The following NPRL3 variants were observed in gnomAD, a reference collection of about 807,000 sequenced individuals.
NPRL3 encodes NPR3 like, GATOR1 complex subunit, also known as GATOR1 complex protein NPRL3.
Under a neutral mutation model 57.2 loss-of-function variants are expected in NPRL3, and 23 were observed. The observed-to-expected ratio is 0.40, with a 90% confidence interval of 0.29 to 0.57. NPRL3 has a LOEUF of 0.57. NPRL3 is among the 20% of genes least tolerant of loss of function. The pLI, the probability that NPRL3 is intolerant of heterozygous loss-of-function variation, is 0.42. For synonymous variants in NPRL3, 333 were observed against 321.1 expected (o/e 1.04, Z -0.39); for missense variants, 691 against 767.1 (o/e 0.90, Z 1.17).
At chr16:128,671 G>C (rs1271535994) in intron 3 of NPRL3, among the ~76,000 whole-genome samples, 1 of 152,222 alleles carries the variant, frequency 6.6e-6, no homozygotes, top group Non-Finnish European at 1.5e-5. Context: ...CGGAGGCTGA[G>C]GCAGGAGAAT....
chr16:85,778 G>C lies in NPRL3; in HGVS notation c.*927C>G. Reference sequence around the variant, plus strand: ...GGCTGAGCAGGACACACAGGCCTGAGCAAAGGGCCTGCCCAGACAAGATTT... The same window carrying C: ...GGCTGAGCAGGACACACAGGCCTGACCAAAGGGCCTGCCCAGACAAGATTT... On this transcript the variant is annotated 3_prime_UTR_variant, in exon 14 of 14. Transcript: ENST00000611875. 1 of 1,491,988 alleles carries C rather than the reference G, an allele frequency of 6.7e-7. No homozygotes were observed. Among genetic ancestry groups the C allele is most frequent in the Non-Finnish European group, 8.9e-7 (1 of 1,119,812 alleles). 92.4% of individuals were successfully genotyped at this position (1,491,988 alleles called of 1,614,324 possible).
At position 119,288 on chromosome 16, in the gene NPRL3, G is replaced by A. The variant is rs757030881; in HGVS notation, c.189-33C>T. ...TTTAAGAGAGGTAGAATAAAAATAA[G>A]TTAACAAAATACCACAGCACCATGC... On this transcript the variant is annotated intron_variant, in intron 3 of 13. Transcript: ENST00000611875. 4.4e-6 allele frequency: 7 copies of A among 1,574,884 alleles called. 1 individual carries two copies. The South Asian group carries it at 4.6e-5, about 10-fold the overall frequency.
rs140513284 is a variant in NPRL3 at position 98,418 on chromosome 16, C to T, written c.768-117G>A. On this transcript the variant is annotated intron_variant, in intron 8 of 13. Transcript: ENST00000611875. ...TGCACCAGGTCCTGCACCAGGTATG[C>T]ACCGGGTATGCACCAGGTATGCACC... is the stretch of plus-strand genomic sequence containing the variant. The T allele has an allele frequency of 1.9e-4, 215 of 1,131,512 alleles. 1 individual carries two copies. The highest frequency in any genetic ancestry group is 8.7e-4 in the Admixed American group (37 of 42,734). The allele number at this position is 1,131,512 out of a possible 1,614,324, so 70.1% of individuals were successfully genotyped here.
In NPRL3 at chr16:85,914, C is replaced by T. The variant is rs955769662; in HGVS notation, c.*791G>A. On this transcript the variant is annotated 3_prime_UTR_variant, in exon 14 of 14. Coordinates refer to ENST00000611875, the MANE Select transcript of NPRL3 (RefSeq NM_001077350.3). ...TGGAGCTAGCTCTTCCTCCAGGACA[C>T]GAGAGCTGGGGGCCTGAGTACGTAG... 42 of 1,060,586 alleles carry T rather than the reference C, an allele frequency of 4.0e-5. 1 individual carries two copies. The highest frequency in any genetic ancestry group is 2.3e-4 in the African/African-American group (14 of 61,334). The allele number at this position is 1,060,586 out of a possible 1,614,324, so 65.7% of individuals were successfully genotyped here.
intron 13 of NPRL3, among the ~76,000 whole-genome samples, chr16:87,667 T>G (rs1019152040): frequency 6.6e-6 from 1 of 151,852 alleles, no homozygotes; most frequent in Non-Finnish European, 1.5e-5. Context: ...CCTCCCGCCT[T>G]CAGGCCATTC....
At chr16:110,415 CAGG>C (rs1263000484) in intron 7 of NPRL3, 107 bp downstream of exon 7, 7 of 794,026 alleles carry the variant, frequency 8.8e-6, no homozygotes, top group Non-Finnish European at 4.2e-6. Flanking sequence ...GCTCACACCC[CAGG>C]AGAACAGTGG....
chr16:120,889 G>A (rs1160786859), intron 3 of NPRL3, among the ~76,000 whole-genome samples: 1 of 152,188 alleles, frequency 6.6e-6, no homozygotes, highest in East Asian at 1.9e-4. Context: ...AGGAGGGTTT[G>A]AGGTATTAAA....
At chr16:88,632 T>TCC (rs1017446679) in intron 13 of NPRL3, 66 bp downstream of exon 13, 10 of 1,404,090 alleles carry the variant, frequency 7.1e-6, no homozygotes, top group Non-Finnish European at 9.8e-6. Flanking sequence ...GTTGCGTACG[T>TCC]CCCTATCCAC....
At chr16:131,597 C>CAAAAAAAAA (rs59373757) in intron 2 of NPRL3, among the ~76,000 whole-genome samples, 3 of 69,706 alleles carry the variant, frequency 4.3e-5, no homozygotes, top group African/African-American at 1.0e-4. Context: ...GACTCAGTCT[C>CAAAAAAAAA]AAAAAAAAAA....
At chr16:93,127 C>A in intron 10 of NPRL3, 92 bp downstream of exon 10, 2 of 861,926 alleles carry the variant, frequency 2.3e-6, no homozygotes, top group East Asian at 5.3e-5. Flanking sequence ...CCTTTGGTGC[C>A]TGGCCAACAC....
intron 3 of NPRL3, chr16:119,469 A>G: frequency 1.7e-6 from 1 of 584,280 alleles, no homozygotes; most frequent in South Asian, 2.1e-5. Context: ...AAAAGGCATG[A>G]GAAGCACAGA....
chr16:117,348 T>A lies in NPRL3; in HGVS notation c.346A>T (p.Arg116Trp). The A allele has an allele frequency of 6.2e-7, 1 of 1,611,210 alleles. No individual in the cohort carries two copies. Among genetic ancestry groups the A allele is most frequent in the South Asian group, 1.1e-5 (1 of 90,750 alleles). The change falls in exon 5 of 14, where the codon AGG (arginine) becomes TGG (tryptophan). Residue 116 changes from arginine (R) to tryptophan (W), a missense_variant. Arg to Trp is a moderately radical substitution (Grantham distance 101). Coordinates refer to ENST00000611875, the MANE Select transcript of NPRL3 (RefSeq NM_001077350.3). Reference protein sequence around the residue: ...QISKTDPSPKREAPTMILFNV... With the variant: ...QISKTDPSPKWEAPTMILFNV... Reference sequence around the variant, plus strand: ...AAAAGAATCATAGTAGGTGCTTCCCTCTTCGGGGAAGGATCTGTTTTGGAG... The same window carrying A: ...AAAAGAATCATAGTAGGTGCTTCCCACTTCGGGGAAGGATCTGTTTTGGAG...
chr16:122,437 C>G (rs193206460), intron 3 of NPRL3, among the ~76,000 whole-genome samples: 1 of 152,296 alleles, frequency 6.6e-6, no homozygotes, highest in Admixed American at 6.5e-5. Flanking sequence ...ATGTAATACA[C>G]ATAAAGACAG....
intron 5 of NPRL3, among the ~76,000 whole-genome samples, chr16:114,181 T>C (rs779197726): frequency 6.6e-6 from 1 of 152,096 alleles, no homozygotes; most frequent in Non-Finnish European, 1.5e-5. Context: ...TGTCCATGAG[T>C]TGGATGTCCA....
At chr16:124,321 G>A (rs2141969779) in intron 3 of NPRL3, among the ~76,000 whole-genome samples, 1 of 152,180 alleles carries the variant, frequency 6.6e-6, no homozygotes, top group South Asian at 2.1e-4. Flanking sequence ...CCGGATGCCT[G>A]TGCAGAAGTA....
At chr16:106,632 A>T (rs1197453415) in intron 7 of NPRL3, among the ~76,000 whole-genome samples, 1 of 118,996 alleles carries the variant, frequency 8.4e-6, no homozygotes, top group African/African-American at 4.6e-5. Context: ...CTTAAATTAA[A>T]AAAAAAAAAA....
At chr16:138,083 G>T in intron 2 of NPRL3, 67 bp downstream of exon 2, 1 of 1,268,148 alleles carries the variant, frequency 7.9e-7, no homozygotes, top group Non-Finnish European at 1.1e-6. Context: ...AGGCGGCCCT[G>T]GAATGAGGCG....
At position 86,852 on chromosome 16, in the gene NPRL3, G is replaced by T. The variant is rs1369887915; in HGVS notation, c.1563C>A (p.Arg521=). The change falls in exon 14 of 14, where the codon CGC becomes CGA. Residue 521 remains arginine (R), a synonymous_variant. Coordinates refer to ENST00000611875, the MANE Select transcript of NPRL3 (RefSeq NM_001077350.3). ...RMFARLLHYF[R]GRHHLEEIMY... ...TAATCTCCTCCAGGTGGTGGCGGCC[G>T]CGGAAGTAGTGAAGGAGCCTGGAAG... 1.2e-6 allele frequency: 2 copies of T among 1,613,176 alleles called. No individual in the cohort carries two copies. Among genetic ancestry groups the T allele is most frequent in the Admixed American group, 1.7e-5 (1 of 59,966 alleles).
intron 3 of NPRL3, among the ~76,000 whole-genome samples, chr16:128,274 G>A (rs145359002): frequency 4.9e-4 from 74 of 152,288 alleles, no homozygotes; most frequent in African/African-American, 1.5e-3. Flanking sequence ...CATAAGCCAC[G>A]ACATCTGGCC....
Sources: allele counts gnomAD v4.1 joint callset (sites outside exome capture counted in the v4.1 genomes callset), GRCh38; gene constraint gnomAD v4.1.1; transcripts MANE v1.5; gene names NCBI Gene and HGNC (gene_info 2026-07-23, HGNC 2026-07-21).